CNTN6: variants seen among roughly 807,000 people sequenced by gnomAD.
The protein encoded by CNTN6 is contactin-6.
A neutral mutation model predicts 122.8 loss-of-function variants in CNTN6; 137 were observed. The ratio of observed to expected loss-of-function variants is 1.12; its 90% confidence interval spans 0.97 to 1.29. CNTN6 has a LOEUF of 1.29. Among genes scored for constraint, CNTN6 ranks in the 50% most tolerant of loss-of-function variants. CNTN6 has a pLI of 0.00. For missense variants in CNTN6, 1,634 were observed against 1,223.4 expected, an observed-to-expected ratio of 1.34 and a Z score of -5.01; for synonymous variants, 570 against 426.0, an observed-to-expected ratio of 1.34 and a Z score of -4.16.
intron 4 of CNTN6, among the ~76,000 whole-genome samples, chr3:1,242,614 TGCC>T (rs2094501205): frequency 1.3e-5 from 2 of 152,096 alleles, no homozygotes; most frequent in Non-Finnish European, 1.5e-5. Flanking sequence ...TGTGATCAGT[TGCC>T]AGGGAAGGAG....
At chr3:1,191,127 G>C (rs1432313804) in intron 2 of CNTN6, among the ~76,000 whole-genome samples, 1 of 152,136 alleles carries the variant, frequency 6.6e-6, no homozygotes, top group African/African-American at 2.4e-5. Flanking sequence ...TTAGTGATGA[G>C]TGCTATGAGC....
At chr3:1,284,747 G>A (rs1258685842) in intron 5 of CNTN6, among the ~76,000 whole-genome samples, 1 of 152,168 alleles carries the variant, frequency 6.6e-6, no homozygotes, top group African/African-American at 2.4e-5. Context: ...GTAAAAGAAG[G>A]TTTCACTGCT....
At position 1,093,330 on chromosome 3, in the gene CNTN6, A is replaced by G. The variant is rs1042114543; in HGVS notation, c.-83+210A>G. ...TTCCTTGTGTGGGAGAAATGTATTG[A>G]ATCTGTATTCCGGGAGGTTAGGATC... On this transcript the variant is annotated intron_variant, in intron 1 of 22. Transcript: ENST00000446702. Among the ~76,000 whole-genome samples, 10 of 152,170 alleles carry G rather than the reference A, an allele frequency of 6.6e-5. No homozygotes were observed. In the South Asian group the frequency reaches 1.9e-3, roughly 28 times the overall value.
intron 17 of CNTN6, among the ~76,000 whole-genome samples, chr3:1,378,645 G>T (rs1710224096): frequency 6.6e-6 from 1 of 152,094 alleles, no homozygotes; most frequent in Non-Finnish European, 1.5e-5. Flanking sequence ...CAGGATTTCA[G>T]GTGCCACACA....
chr3:1,096,469 G>A (rs745338653), intron 1 of CNTN6, among the ~76,000 whole-genome samples: 12 of 152,072 alleles, frequency 7.9e-5, no homozygotes, highest in Admixed American at 7.9e-4. Flanking sequence ...CACCAATTTT[G>A]TACATGTTGT....
intron 4 of CNTN6, among the ~76,000 whole-genome samples, chr3:1,261,242 C>CGAAGACAT (rs1553644754): frequency 6.6e-6 from 1 of 151,964 alleles, no homozygotes; most frequent in Non-Finnish European, 1.5e-5. Flanking sequence ...GATCTCATGG[C>CGAAGACAT]GAAGACATGG....
intron 4 of CNTN6, among the ~76,000 whole-genome samples, chr3:1,250,544 C>T (rs949703954): frequency 2.0e-5 from 3 of 152,160 alleles, no homozygotes; most frequent in African/African-American, 7.2e-5. Context: ...ATCACCATCT[C>T]TGCTTTTACG....
At chr3:1,382,663 T>TCTTTG (rs1330380222) in intron 17 of CNTN6, among the ~76,000 whole-genome samples, 3 of 152,290 alleles carry the variant, frequency 2.0e-5, no homozygotes, top group East Asian at 3.9e-4. Context: ...TAAACTGTTT[T>TCTTTG]ATTATTATAA....
chr3:1,345,411 C>T (rs1704536877), intron 11 of CNTN6, among the ~76,000 whole-genome samples: 1 of 152,098 alleles, frequency 6.6e-6, no homozygotes, highest in East Asian at 1.9e-4. Context: ...CCACCATGCC[C>T]AGCCATACAA....
chr3:1,285,840 A>T (rs1009137732), intron 5 of CNTN6, among the ~76,000 whole-genome samples: 2 of 152,178 alleles, frequency 1.3e-5, no homozygotes, highest in African/African-American at 4.8e-5. Flanking sequence ...AGGAGATAAC[A>T]AGAGTTCTTT....
At chr3:1,211,454 C>A (rs1034215081) in intron 2 of CNTN6, among the ~76,000 whole-genome samples, 2 of 152,112 alleles carry the variant, frequency 1.3e-5, no homozygotes, top group African/African-American at 4.8e-5. Context: ...AAACACTGGT[C>A]TCTTTCTATG....
intron 7 of CNTN6, among the ~76,000 whole-genome samples, chr3:1,318,795 T>C (rs1575681660): frequency 6.6e-6 from 1 of 151,694 alleles, no homozygotes; most frequent in South Asian, 2.1e-4. Flanking sequence ...AATTCCTAGG[T>C]ACTTTCAGTT....
At chr3:1,297,338 G>C (rs1005771657) in intron 6 of CNTN6, among the ~76,000 whole-genome samples, 12 of 152,074 alleles carry the variant, frequency 7.9e-5, no homozygotes, top group African/African-American at 2.9e-4. Context: ...ATATATTTCT[G>C]TTACAACTCC....
intron 1 of CNTN6, among the ~76,000 whole-genome samples, chr3:1,106,202 T>C (rs949625164): frequency 7.9e-5 from 12 of 152,146 alleles, no homozygotes; most frequent in African/African-American, 2.7e-4. Flanking sequence ...AAATAATTTA[T>C]ATGTTACAGA....
chr3:1,130,041 C>G (rs968796268), intron 1 of CNTN6, among the ~76,000 whole-genome samples: 4 of 151,894 alleles, frequency 2.6e-5, no homozygotes, highest in African/African-American at 9.7e-5. Flanking sequence ...TGTGATTTAT[C>G]TATTAAAAGT....
Position 1,402,387 on chromosome 3 carries a change from C to T in CNTN6, c.2887C>T (p.Leu963=). The part of the protein sequence containing the change: ...LETNNTSAEL[L]VPFEEDYLIE... ...AACAAACAATACATCAGCTGAGCTTCTGGTTCCATTTGAAGAAGACTACTT... is the reference window on the plus strand; with the variant it reads ...AACAAACAATACATCAGCTGAGCTTTTGGTTCCATTTGAAGAAGACTACTT... Residue 963 remains leucine, a synonymous_variant, in exon 22 of 23, where the codon CTG becomes TTG. Coordinates refer to ENST00000446702, the MANE Select transcript of CNTN6 (RefSeq NM_001289080.2). The T allele has an allele frequency of 6.2e-7, 1 of 1,612,598 alleles. No homozygotes were observed. The highest frequency in any genetic ancestry group is 1.3e-5 in the African/African-American group (1 of 74,978).
At chr3:1,279,781 G>A (rs949772443) in intron 5 of CNTN6, among the ~76,000 whole-genome samples, 20 of 152,132 alleles carry the variant, frequency 1.3e-4, no homozygotes, top group Admixed American at 6.5e-4. Flanking sequence ...ACTTGAAAGC[G>A]TTTTTCCATT....
chr3:1,156,288 T>G (rs2092960591), intron 2 of CNTN6, among the ~76,000 whole-genome samples: 1 of 152,208 alleles, frequency 6.6e-6, no homozygotes, highest in Non-Finnish European at 1.5e-5. Context: ...CAGTAACATA[T>G]TCTTCCATTT....
chr3:1,336,084 C>T (rs945767516), intron 11 of CNTN6, among the ~76,000 whole-genome samples: 5 of 151,532 alleles, frequency 3.3e-5, no homozygotes, highest in African/African-American at 1.2e-4. Flanking sequence ...CAAAAAAATC[C>T]CTGAATCTTT....
Sources: allele counts gnomAD v4.1 joint callset (sites outside exome capture counted in the v4.1 genomes callset), GRCh38; gene constraint gnomAD v4.1.1; transcripts MANE v1.5; gene names NCBI Gene and HGNC (gene_info 2026-07-23, HGNC 2026-07-21).